The following THRB variants were observed in gnomAD, a reference collection of about 807,000 sequenced individuals.
THRB encodes the protein nuclear receptor subfamily 1 group A member 2.
In THRB, 12 loss-of-function variants were observed where a neutral mutation model predicts 47.8. The ratio of observed to expected loss-of-function variants is 0.25; its 90% CI spans 0.16 to 0.41. The LOEUF (loss-of-function observed/expected upper bound fraction) is 0.41. THRB is among the 10% of genes least tolerant of loss of function. THRB has a pLI of 1.00. For missense variants in THRB, 348 were observed against 589.2 expected (o/e 0.59, Z 4.24); for synonymous variants, 218 against 212.2 (o/e 1.03, Z -0.24).
At chr3:24,180,020 T>C (rs1002772016) in intron 5 of THRB, among the ~76,000 whole-genome samples, 7 of 152,222 alleles carry the variant, frequency 4.6e-5, no homozygotes, top group African/African-American at 9.6e-5. Context: ...CCATTGCAGA[T>C]ACCTGTTTCC....
At chr3:24,293,634 T>A (rs1383331728) in intron 3 of THRB, among the ~76,000 whole-genome samples, 1 of 152,192 alleles carries the variant, frequency 6.6e-6, no homozygotes. Context: ...AAACTTTCAA[T>A]AAAATGAGGC....
intron 5 of THRB, 185 bp downstream of exon 5, chr3:24,189,889 A>C (rs1025902767): frequency 1.6e-6 from 1 of 623,766 alleles, no homozygotes; most frequent in Non-Finnish European, 2.8e-6. Flanking sequence ...CTTTCTTTGG[A>C]TTCCACTTAT....
In THRB at chr3:24,190,066, C is replaced by A. The variant is rs779947181; in HGVS notation, c.283+8G>T. The A allele has an allele frequency of 8.7e-6, 14 of 1,613,770 alleles. No homozygotes were observed. The Admixed American group carries it at 2.3e-4, about 27-fold the overall frequency. On this transcript the variant is annotated splice_region_variant and intron_variant, in intron 5 of 10. Coordinates refer to ENST00000646209, the MANE Select transcript of THRB (RefSeq NM_001354712.2). ...CACATGATAATGGGCTAATAAAAAT[C>A]TGGTTACCTTTACATTTCTTCTCCT... is the stretch of plus-strand genomic sequence containing the variant.
At chr3:24,138,184 T>G (rs957404936) in intron 8 of THRB, among the ~76,000 whole-genome samples, 1 of 152,162 alleles carries the variant, frequency 6.6e-6, no homozygotes, top group African/African-American at 2.4e-5. Context: ...CAAGGACTTC[T>G]TGGCTTGAAA....
chr3:24,329,351 G>C (rs2061776375), intron 2 of THRB, among the ~76,000 whole-genome samples: 2 of 152,190 alleles, frequency 1.3e-5, no homozygotes, highest in South Asian at 4.2e-4. Context: ...TTTACTGTTG[G>C]CCAGACAACT....
intron 4 of THRB, among the ~76,000 whole-genome samples, chr3:24,193,980 T>G (rs2043661585): frequency 6.6e-6 from 1 of 152,206 alleles, no homozygotes; most frequent in Non-Finnish European, 1.5e-5. Flanking sequence ...CATAGCAACC[T>G]GGATGCAAGT....
At chr3:24,147,941 A>C (rs1050239757) in intron 6 of THRB, among the ~76,000 whole-genome samples, 2 of 152,158 alleles carry the variant, frequency 1.3e-5, no homozygotes, top group Non-Finnish European at 2.9e-5. Context: ...CTTGCAACCC[A>C]GGAGCGGCAC....
chr3:24,253,145 G>A (rs2050834866), intron 3 of THRB, among the ~76,000 whole-genome samples: 1 of 152,020 alleles, frequency 6.6e-6, no homozygotes, highest in Admixed American at 6.6e-5. Context: ...AAATTGCTGT[G>A]GAGATGAAAT....
At chr3:24,474,658 C>G (rs1695183225) in intron 1 of THRB, among the ~76,000 whole-genome samples, 1 of 152,212 alleles carries the variant, frequency 6.6e-6, no homozygotes, top group African/African-American at 2.4e-5. Flanking sequence ...AATACACAAT[C>G]CTTCCAGGAA....
intron 1 of THRB, among the ~76,000 whole-genome samples, chr3:24,464,907 AGTT>A (rs2074011345): frequency 1.3e-5 from 2 of 152,202 alleles, no homozygotes; most frequent in Admixed American, 1.3e-4. Flanking sequence ...CTGTTATAGT[AGTT>A]AAGTTCTGTA....
At chr3:24,387,351 C>T (rs948029934) in intron 1 of THRB, among the ~76,000 whole-genome samples, 13 of 152,156 alleles carry the variant, frequency 8.5e-5, no homozygotes, top group Non-Finnish European at 1.5e-4. Context: ...ATTCACTAAA[C>T]CTTTCAGAGT....
At chr3:24,217,339 G>T (rs1257749429) in intron 4 of THRB, among the ~76,000 whole-genome samples, 4 of 151,926 alleles carry the variant, frequency 2.6e-5, no homozygotes, top group Non-Finnish European at 5.9e-5. Flanking sequence ...TTTTGAAAAA[G>T]ATATAGAAAT....
chr3:24,130,086 G>A (rs1202889067), intron 9 of THRB, among the ~76,000 whole-genome samples: 1 of 152,162 alleles, frequency 6.6e-6, no homozygotes, highest in Non-Finnish European at 1.5e-5. Flanking sequence ...AATATAAAAG[G>A]CTAAAGGTCA....
At chr3:24,276,846 A>G (rs1357362474) in intron 3 of THRB, among the ~76,000 whole-genome samples, 2 of 152,270 alleles carry the variant, frequency 1.3e-5, no homozygotes, top group African/African-American at 4.8e-5. Flanking sequence ...ACGATGTTGG[A>G]GCAAAGTGTT....
At chr3:24,336,485 G>A (rs563003723) in intron 2 of THRB, among the ~76,000 whole-genome samples, 5 of 152,148 alleles carry the variant, frequency 3.3e-5, no homozygotes, top group Non-Finnish European at 7.3e-5. Flanking sequence ...AACACAGAAA[G>A]GAAAGTTCTG....
intron 7 of THRB, 184 bp from the exon 8 acceptor site, chr3:24,143,890 C>A: frequency 1.5e-6 from 1 of 646,080 alleles, no homozygotes; most frequent in Non-Finnish European, 2.7e-6. Flanking sequence ...TAGTCTTGTC[C>A]AACATGGTCT....
At chr3:24,221,688 A>C (rs1213249069) in intron 4 of THRB, among the ~76,000 whole-genome samples, 2 of 152,198 alleles carry the variant, frequency 1.3e-5, no homozygotes, top group African/African-American at 4.8e-5. Flanking sequence ...TCTACTCTCT[A>C]TAAAGTCTTG....
At chr3:24,272,770 C>A (rs1037371206) in intron 3 of THRB, among the ~76,000 whole-genome samples, 1 of 152,130 alleles carries the variant, frequency 6.6e-6, no homozygotes, top group Non-Finnish European at 1.5e-5. Flanking sequence ...CCATATAAAT[C>A]ATTTCAGATC....
intron 1 of THRB, among the ~76,000 whole-genome samples, chr3:24,358,715 C>G (rs960403601): frequency 1.3e-5 from 2 of 152,076 alleles, no homozygotes; most frequent in African/African-American, 4.8e-5. Flanking sequence ...CTGGGCTCTC[C>G]TCTTTGTCTC....
Sources: gnomAD v4.1 joint callset for allele counts (sites outside exome capture counted in the v4.1 genomes callset) on GRCh38, gnomAD v4.1.1 for gene constraint, MANE v1.5 for transcripts, NCBI Gene and HGNC (gene_info 2026-07-23, HGNC 2026-07-21) for gene names.